POLD1: variants seen among roughly 807,000 people sequenced by gnomAD.
The protein encoded by POLD1 is DNA polymerase delta 1, catalytic subunit, also known as DNA polymerase delta catalytic subunit.
In POLD1, 79 loss-of-function variants were observed where a neutral mutation model predicts 129.7. The observed-to-expected ratio is 0.61, with a 90% CI of 0.51 to 0.73. POLD1 has a LOEUF of 0.73. Ranked by LOEUF, POLD1 falls within the 30% of genes least tolerant of loss-of-function variation. The pLI is 0.00. For missense variants in POLD1, 1,338 were observed against 1,595.8 expected (o/e 0.84, Z 2.75); for synonymous variants, 714 against 683.3 (o/e 1.04, Z -0.70).
At chr19:50,408,967 C>A in intron 15 of POLD1, 66 bp downstream of exon 15, 1 of 1,500,338 alleles carries the variant, frequency 6.7e-7, no homozygotes, top group Non-Finnish European at 9.2e-7. Context: ...GGGGCTCAGT[C>A]TGGTGGGGGG....
rs3219450 is a variant in POLD1 at position 50,417,592 on chromosome 19, G to T, written c.3219-250G>T. Among the ~76,000 whole-genome samples, 1,000 of 152,236 alleles carry T rather than the reference G, an allele frequency of 6.6e-3. 3 individuals are homozygous for T. The highest frequency in any genetic ancestry group is 0.02 in the Middle Eastern group (6 of 294). ...TTTCCCCAGGGAACGGGTAGGCGGG[G>T]TGGGTTCCCACGCCAGGTGACAGGT... is the stretch of plus-strand genomic sequence containing the variant. On this transcript the variant is annotated intron_variant, in intron 26 of 26. Transcript: ENST00000440232.
Position 50,403,216 on chromosome 19 carries a change from G to A in POLD1, c.1134G>A (p.Leu378=), listed in dbSNP as rs1555790469. The A allele has an allele frequency of 6.4e-7, 1 of 1,552,362 alleles. No homozygotes were observed. Among genetic ancestry groups the A allele is most frequent in the Non-Finnish European group, 8.7e-7 (1 of 1,146,634 alleles). The change falls in exon 9 of 27, where the codon CTG becomes CTA. Residue 378 remains leucine, a synonymous_variant. Transcript: ENST00000440232. ...GCTACGAGAAGGAGGAGGACCTGCT[G>A]CAGGTAGCTCTCGCTCCACGCCCCA... ...VQSYEKEEDL[L]QAWSTFIRIM...
In POLD1 at chr19:50,409,056, C is replaced by A; in HGVS notation, c.1893-66C>A. 5.8e-6 allele frequency: 8 copies of A among 1,377,878 alleles called. No individual in the cohort carries two copies. The highest frequency in any genetic ancestry group is 8.2e-6 in the Non-Finnish European group (8 of 970,450). The allele number at this position is 1,377,878 out of a possible 1,614,324, so 85.4% of individuals were successfully genotyped here. ...CGTGTGCTCATGGCCAAGGCCAGGA[C>A]CGTAGGGCAGAGGTGGGCTGGAGCA... On this transcript the variant is annotated intron_variant, in intron 15 of 26. Transcript: ENST00000440232. This position sits in a 1 kb window ranked among gnomAD's most constrained non-coding sequence, Gnocchi z 5.8.
chr19:50,386,240 C>T (rs994075542), intron 1 of POLD1, among the ~76,000 whole-genome samples: 5 of 151,884 alleles, frequency 3.3e-5, no homozygotes, highest in Non-Finnish European at 5.9e-5. Context: ...CGGGTTCAAG[C>T]GATTCTCATG....
rs1601241057 is a variant in POLD1, at chr19:50,414,882, A to T, written c.2456A>T (p.Asp819Val). 6 of 1,606,824 alleles carry T rather than the reference A, an allele frequency of 3.7e-6. No individual in the cohort carries two copies. The African/African-American group carries it at 8.0e-5, about 21-fold the overall frequency. The change falls in exon 20 of 27, where the codon GAC becomes GTC. Residue 819 changes from aspartate to valine, a missense_variant. Around this residue, in one of 3 missense-constraint regions of POLD1, gnomAD observed 720 missense variants for 1,002.6 expected, o/e 0.72. Transcript: ENST00000440232. ...YAGLLFSSRPDAHDRMDCKGL... is the reference protein window; with the variant it reads ...YAGLLFSSRPVAHDRMDCKGL... ...GGCCTGCTCTTCTCCTCCCGGCCCG[A>T]CGCCCACGACCGCATGGACTGCAAG...
chr19:50,407,059 AGCG>A lies in POLD1; in HGVS notation c.1574_1576del (p.Arg525del). On this transcript the variant is annotated inframe_deletion, in exon 13 of 27. Coordinates refer to ENST00000440232, the MANE Select transcript of POLD1 (RefSeq NM_002691.4). ...GCCTACCTGCCACTGCGGCTGCTGG[AGCG>A]GCTCATGGTGCTGGTGAACGCCGTG... The A allele has an allele frequency of 6.2e-7, 1 of 1,613,712 alleles. No homozygotes were observed. The highest frequency in any genetic ancestry group is 8.5e-7 in the Non-Finnish European group (1 of 1,179,994).
At chr19:50,417,489 A>C (rs1568642368) in intron 26 of POLD1, among the ~76,000 whole-genome samples, 1 of 152,062 alleles carries the variant, frequency 6.6e-6, no homozygotes, top group Non-Finnish European at 1.5e-5. Context: ...AGCGCCCGGC[A>C]CCCAGTGTTG....
At chr19:50,389,995 A>G (rs6509470) in intron 1 of POLD1, among the ~76,000 whole-genome samples, 35,122 of 144,990 alleles carry the variant, frequency 0.24, 7,544 homozygotes, top group African/African-American at 0.58. Flanking sequence ...TGCAACCTCC[A>G]CCTCCCAGGT....
rs760140187 is a variant in POLD1 at position 50,415,599 on chromosome 19, C to T, written c.2717+9C>T. ...GTGGAGCTGGCCGAGAGGTCCTGCG[C>T]GGGGCGGGTGGCCTGGCCAGAAATA... On this transcript the variant is annotated intron_variant, in intron 21 of 26. Coordinates refer to ENST00000440232, the MANE Select transcript of POLD1 (RefSeq NM_002691.4). The T allele has an allele frequency of 3.7e-6, 6 of 1,608,314 alleles. No homozygotes were observed. The highest frequency in any genetic ancestry group is 3.3e-5 in the Admixed American group (2 of 59,778).
chr19:50,385,817 C>A (rs901601637), intron 1 of POLD1, among the ~76,000 whole-genome samples: 1 of 152,104 alleles, frequency 6.6e-6, no homozygotes, highest in Admixed American at 6.5e-5. Context: ...GCGTGAGCCA[C>A]CACGCACGGC....
Position 50,417,199 on chromosome 19 carries a change from C to A in POLD1, c.3148C>A (p.Arg1050Ser). 1 of 1,606,422 alleles carries A rather than the reference C, an allele frequency of 6.2e-7. No homozygotes were observed. Among genetic ancestry groups the A allele is most frequent in the Non-Finnish European group, 8.5e-7 (1 of 1,177,820 alleles). Reference protein sequence around the residue: ...EVSHLNALEERFSRLWTQCQR... With the variant: ...EVSHLNALEESFSRLWTQCQR... Reference sequence around the variant, plus strand: ...ATCCCATCTGAATGCCCTGGAGGAGCGCTTCTCGCGCCTCTGGACGCAGTG... The same window carrying A: ...ATCCCATCTGAATGCCCTGGAGGAGAGCTTCTCGCGCCTCTGGACGCAGTG... Residue 1050 changes from arginine to serine, a missense_variant, in exon 26 of 27, where the codon CGC becomes AGC. Transcript: ENST00000440232.
intron 22 of POLD1, 99 bp from the exon 23 acceptor site, chr19:50,416,297 G>A: frequency 7.8e-7 from 1 of 1,281,946 alleles, no homozygotes; most frequent in Admixed American, 2.3e-5. Context: ...ACAGCCCGCA[G>A]GCAGGCCTAG....
intron 24 of POLD1, 158 bp downstream of exon 24, chr19:50,416,881 G>A (rs559106967): frequency 1.1e-5 from 11 of 981,072 alleles, no homozygotes; most frequent in African/African-American, 4.9e-5. Context: ...GAGGGTCCTC[G>A]GCCCCCACCC....
chr19:50,387,818 G>T (rs950004381), intron 1 of POLD1: 1 of 152,408 alleles, frequency 6.6e-6, no homozygotes, highest in Non-Finnish European at 1.5e-5. Flanking sequence ...AGTCACACAT[G>T]TACGCGGTTG....
At chr19:50,407,569 A>T (rs923447795) in intron 14 of POLD1, among the ~76,000 whole-genome samples, 154 bp downstream of exon 14, 1 of 150,570 alleles carries the variant, frequency 6.6e-6, no homozygotes. Context: ...TTTTATTTTT[A>T]TTTTTTTGAG....
chr19:50,407,104 C>T lies in POLD1; in HGVS notation c.1616C>T (p.Thr539Ile), dbSNP rs754969306. ...LVNAVEMARV[T>I]GVPLSYLLSR... is the part of the protein sequence containing the mutation. Reference sequence around the variant, plus strand: ...AACGCCGTGGAGATGGCGAGGGTCACTGGCGTGCCCCTCAGCTACCTGCTC... The same window carrying T: ...AACGCCGTGGAGATGGCGAGGGTCATTGGCGTGCCCCTCAGCTACCTGCTC... The change falls in exon 13 of 27, where the codon ACT (threonine) becomes ATT (isoleucine). Residue 539 changes from threonine (T) to isoleucine (I), a missense_variant. Transcript: ENST00000440232. 1.2e-6 allele frequency: 2 copies of T among 1,613,686 alleles called. No homozygotes were observed. The highest frequency in any genetic ancestry group is 8.5e-7 in the Non-Finnish European group (1 of 1,180,006).
intron 1 of POLD1, chr19:50,387,823 C>T (rs1170497841): frequency 1.3e-5 from 2 of 152,422 alleles, no homozygotes; most frequent in African/African-American, 2.4e-5. Context: ...CACATGTACG[C>T]GGTTGTCACC....
At chr19:50,401,975 C>T (rs2122236474) in intron 4 of POLD1, 24 bp from the exon 5 acceptor site, 6 of 1,614,154 alleles carry the variant, frequency 3.7e-6, no homozygotes, top group Non-Finnish European at 5.1e-6. Flanking sequence ...CCCCCTGCAC[C>T]TCTGATCATC....
chr19:50,415,627 C>T (rs1481907567), intron 21 of POLD1, 37 bp downstream of exon 21: 5 of 1,598,410 alleles, frequency 3.1e-6, no homozygotes, highest in Non-Finnish European at 4.3e-6. Context: ...CAGAAATAAC[C>T]CCCTCCTTCC....
Sources: allele counts gnomAD v4.1 joint callset (sites outside exome capture counted in the v4.1 genomes callset), GRCh38; gene constraint gnomAD v4.1.1; regional missense constraint gnomAD v4.1.1; non-coding constraint Gnocchi (gnomAD v3.1); transcripts MANE v1.5; gene names NCBI Gene and HGNC (gene_info 2026-07-23, HGNC 2026-07-21).